Variants in IL6R observed in about 807,000 individuals in gnomAD.
IL6R encodes interleukin-6 receptor subunit alpha.
A neutral mutation model predicts 48.3 loss-of-function variants in IL6R; 38 were observed. That is an observed-to-expected ratio of 0.79 (90% CI 0.61 to 1.03). IL6R has a LOEUF of 1.03. IL6R is among the 50% of genes least tolerant of loss of function. The pLI is 0.00. For synonymous variants in IL6R, 264 were observed against 256.2 expected (o/e 1.03, Z -0.29); for missense variants, 534 against 618.3 (o/e 0.86, Z 1.45).
chr1:154,432,889 C>T (rs932383985), intron 3 of IL6R, among the ~76,000 whole-genome samples: 5 of 152,220 alleles, frequency 3.3e-5, no homozygotes, highest in Admixed American at 1.3e-4. Context: ...AAGAGACAGG[C>T]CCCTGGAAAG....
At chr1:154,436,551 G>A (rs987991321) in intron 6 of IL6R, among the ~76,000 whole-genome samples, 1 of 152,170 alleles carries the variant, frequency 6.6e-6, no homozygotes. Context: ...AGTCAGTTAG[G>A]CAGCTCTTCT....
chr1:154,415,744 C>T lies in IL6R; in HGVS notation c.85+10030C>T, dbSNP rs187394332. 2.7e-3 allele frequency among the ~76,000 whole-genome samples: 416 copies of T among 152,096 alleles called. 1 individual carries two copies. Among genetic ancestry groups the T allele is most frequent in the Admixed American group, 4.3e-3 (65 of 15,272 alleles). Reference sequence around the variant, plus strand: ...CTGTAATCCCAGCACTTTGGGAGGCCGAGGCAGGTGGATCATTTGAGGTCA... The same window carrying T: ...CTGTAATCCCAGCACTTTGGGAGGCTGAGGCAGGTGGATCATTTGAGGTCA... On this transcript the variant is annotated intron_variant, in intron 1 of 9. Coordinates refer to ENST00000368485, the MANE Select transcript of IL6R (RefSeq NM_000565.4).
chr1:154,443,889 T>C lies in IL6R; in HGVS notation c.950-4236T>C, dbSNP rs1276745358. On this transcript the variant is annotated intron_variant, in intron 6 of 9. Coordinates refer to ENST00000368485, the MANE Select transcript of IL6R (RefSeq NM_000565.4). ...TGCTCCGCATGACCCAAACCAAACA[T>C]ATCACACCCCTCACAGATCTCCCTG... Among the ~76,000 whole-genome samples, 7 of 152,168 alleles carry C rather than the reference T, an allele frequency of 4.6e-5. No homozygotes were observed. In the East Asian group the frequency reaches 1.4e-3, roughly 29 times the overall value.
chr1:154,436,026 G>A lies in IL6R; in HGVS notation c.865G>A (p.Val289Met), dbSNP rs370717066. The A allele has an allele frequency of 1.5e-4, 248 of 1,613,082 alleles. No homozygotes were observed. Among genetic ancestry groups the A allele is most frequent in the Non-Finnish European group, 1.9e-4 (225 of 1,179,408 alleles). ...IHDAWSGLRHVVQLRAQEEFG... is the reference protein window; with the variant it reads ...IHDAWSGLRHMVQLRAQEEFG... ...CGACGCCTGGAGCGGCCTGAGGCACGTGGTGCAGCTTCGTGCCCAGGAGGA... is the reference window on the plus strand; with the variant it reads ...CGACGCCTGGAGCGGCCTGAGGCACATGGTGCAGCTTCGTGCCCAGGAGGA... The change falls in exon 6 of 10, where the codon GTG becomes ATG. Residue 289 changes from valine (V) to methionine (M), a missense_variant. Coordinates refer to ENST00000368485, the MANE Select transcript of IL6R (RefSeq NM_000565.4).
intron 1 of IL6R, chr1:154,414,357 G>A: frequency 7.4e-7 from 1 of 1,348,968 alleles, no homozygotes; most frequent in South Asian, 1.2e-5. Flanking sequence ...CCCTGTGCCT[G>A]GTGGGCTCAG....
rs5777913 is a variant in IL6R at position 154,426,520 on chromosome 1, C to CA, written c.86-2661dup. ...TGGGTGATAGAGCGAGATTCTGTCTCAAAAAAAAAAAAAAAGAAAGAAAAG... is the reference window on the plus strand; with the variant it reads ...TGGGTGATAGAGCGAGATTCTGTCTCAAAAAAAAAAAAAAAAGAAAGAAAAG... On this transcript the variant is annotated intron_variant, in intron 1 of 9. Coordinates refer to ENST00000368485, the MANE Select transcript of IL6R (RefSeq NM_000565.4). 6.3e-3 allele frequency among the ~76,000 whole-genome samples: 768 copies of CA among 121,678 alleles called. 13 individuals carry two copies. In the East Asian group the frequency reaches 0.069, roughly 11 times the overall value. 79.8% of individuals were successfully genotyped at this position (121,678 alleles called of 152,430 possible). A position where few individuals can be genotyped will look rare whatever the true frequency, so the allele number is the denominator to read the frequency against.
chr1:154,432,258 G>A (rs149465907), intron 3 of IL6R, among the ~76,000 whole-genome samples: 2 of 152,234 alleles, frequency 1.3e-5, no homozygotes, highest in Non-Finnish European at 2.9e-5. Context: ...TCAAAGGCTT[G>A]TACCATAGAT....
At chr1:154,421,368 G>C (rs1472188994) in intron 1 of IL6R, among the ~76,000 whole-genome samples, 1 of 152,196 alleles carries the variant, frequency 6.6e-6, no homozygotes, top group Admixed American at 6.5e-5. Context: ...CTGGGTTTCT[G>C]AGCAGGGACA....
intron 1 of IL6R, among the ~76,000 whole-genome samples, chr1:154,422,157 C>T (rs1198471920): frequency 6.6e-6 from 1 of 151,500 alleles, no homozygotes; most frequent in Non-Finnish European, 1.5e-5. Flanking sequence ...GGTCAGGCTG[C>T]TCTCAAACTC....
chr1:154,423,036 G>A (rs1688767678), intron 1 of IL6R, among the ~76,000 whole-genome samples: 1 of 151,928 alleles, frequency 6.6e-6, no homozygotes, highest in Admixed American at 6.6e-5. Context: ...GGGGAGGGCT[G>A]GGCTATGGGT....
chr1:154,464,989 G>T (rs1338323328), intron 9 of IL6R, 145 bp from the exon 10 acceptor site: 2 of 859,820 alleles, frequency 2.3e-6, no homozygotes, highest in African/African-American at 3.4e-5. Flanking sequence ...AAAACAAAAA[G>T]ACAGCTGATA....
rs571269044 is a variant in IL6R at position 154,414,938 on chromosome 1, C to T, written c.85+9224C>T. On this transcript the variant is annotated intron_variant, in intron 1 of 9. Transcript: ENST00000368485. ...ATGTGGCGCTGGAAGGAGGGGATGT[C>T]CTCGCATAGGATGCTCCACTGGCCC... The T allele has an allele frequency of 2.0e-3, 2,325 of 1,166,294 alleles. 4 individuals carry two copies. The highest frequency in any genetic ancestry group is 2.7e-3 in the Non-Finnish European group (2,136 of 796,536). 72.2% of individuals were successfully genotyped at this position (1,166,294 alleles called of 1,614,324 possible). A position where few individuals can be genotyped will look rare whatever the true frequency, so the allele number is the denominator to read the frequency against.
At chr1:154,412,824 C>A (rs1266662887) in intron 1 of IL6R, among the ~76,000 whole-genome samples, 1 of 151,880 alleles carries the variant, frequency 6.6e-6, no homozygotes, top group African/African-American at 2.4e-5. Context: ...AGAAACAAGC[C>A]CAAAGTCACA....
intron 9 of IL6R, among the ~76,000 whole-genome samples, chr1:154,457,922 G>T (rs1571007892): frequency 6.6e-6 from 1 of 151,638 alleles, no homozygotes; most frequent in Non-Finnish European, 1.5e-5. Context: ...TACTCAAATT[G>T]GGTTCAGGGT....
In IL6R at chr1:154,429,251, C is replaced by G; in HGVS notation, c.141C>G (p.Cys47Trp). The G allele has an allele frequency of 6.2e-7, 1 of 1,614,142 alleles. No individual in the cohort carries two copies. The highest frequency in any genetic ancestry group is 8.5e-7 in the Non-Finnish European group (1 of 1,179,994). ...SLPGDSVTLTCPGVEPEDNAT... is the reference protein window; with the variant it reads ...SLPGDSVTLTWPGVEPEDNAT... The stretch of plus-strand genomic sequence containing the variant: ...CAGGAGACAGCGTGACTCTGACCTG[C>G]CCGGGGGTAGAGCCGGAAGACAATG... Residue 47 changes from cysteine to tryptophan, a missense_variant, in exon 2 of 10, where the codon TGC (cysteine) becomes TGG (tryptophan). By Grantham distance (215) the Cys-to-Trp change is radical (BLOSUM62 -2). Transcript: ENST00000368485.
At chr1:154,447,456 T>A (rs369942887) in intron 6 of IL6R, among the ~76,000 whole-genome samples, 11,811 of 62,764 alleles carry the variant, frequency 0.19, 1,535 homozygotes, top group Non-Finnish European at 0.21. Context: ...AAAAAAAAAA[T>A]ATATATATAT....
At chr1:154,425,028 G>T (rs888729293) in intron 1 of IL6R, among the ~76,000 whole-genome samples, 1 of 152,124 alleles carries the variant, frequency 6.6e-6, no homozygotes, top group African/African-American at 2.4e-5. Flanking sequence ...AATTAGAATG[G>T]AATAGAACAG....
intron 1 of IL6R, among the ~76,000 whole-genome samples, chr1:154,426,543 AAG>A (rs1442578087): frequency 1.3e-5 from 2 of 151,780 alleles, no homozygotes; most frequent in African/African-American, 2.4e-5. Flanking sequence ...AAAGAAAGAA[AAG>A]AGAAAAGCAT....
intron 3 of IL6R, among the ~76,000 whole-genome samples, chr1:154,431,460 G>C (rs1392414769): frequency 1.3e-5 from 2 of 152,152 alleles, no homozygotes; most frequent in Non-Finnish European, 2.9e-5. Flanking sequence ...TTTTTCTATA[G>C]ATATGTACTT....
Sources: gnomAD v4.1 joint callset for allele counts (sites outside exome capture counted in the v4.1 genomes callset) on GRCh38, gnomAD v4.1.1 for gene constraint, MANE v1.5 for transcripts, NCBI Gene and HGNC (gene_info 2026-07-23, HGNC 2026-07-21) for gene names.